PALLD: variants seen among roughly 807,000 people sequenced by gnomAD.
PALLD encodes the protein palladin, cytoskeletal associated protein.
Under a neutral mutation model 123.5 loss-of-function variants are expected in PALLD, and 61 were observed. The ratio of observed to expected loss-of-function variants is 0.49; its 90% CI spans 0.40 to 0.61. PALLD has a LOEUF of 0.61. PALLD is among the 20% of genes least tolerant of loss of function. PALLD has a pLI of 0.00. For synonymous variants in PALLD, 465 were observed against 496.4 expected, an observed-to-expected ratio of 0.94 and a Z score of 0.84; for missense variants, 1,273 against 1,377.0, an observed-to-expected ratio of 0.92 and a Z score of 1.20.
chr4:168,599,759 A>G (rs1002331839), intron 2 of PALLD, among the ~76,000 whole-genome samples: 3 of 152,198 alleles, frequency 2.0e-5, no homozygotes, highest in African/African-American at 7.2e-5. Context: ...TGGGCAACAT[A>G]GCCAGAACCT....
chr4:168,889,444 G>T (rs986958845), intron 10 of PALLD, among the ~76,000 whole-genome samples: 3 of 152,142 alleles, frequency 2.0e-5, no homozygotes, highest in Middle Eastern at 3.4e-3. Context: ...GAATACAGGC[G>T]TGAGCCACCA....
chr4:168,883,894 T>C (rs1448922380), intron 10 of PALLD, among the ~76,000 whole-genome samples: 1 of 152,034 alleles, frequency 6.6e-6, no homozygotes, highest in Non-Finnish European at 1.5e-5. Flanking sequence ...GTTCTGGTTT[T>C]GGTAACTACT....
At chr4:168,725,526 T>C (rs866694381) in intron 10 of PALLD, among the ~76,000 whole-genome samples, 25 of 134,912 alleles carry the variant, frequency 1.9e-4, no homozygotes, top group African/African-American at 5.0e-4. Flanking sequence ...TAATTTCTTT[T>C]TTTTTTTTTT....
intron 15 of PALLD, among the ~76,000 whole-genome samples, chr4:168,907,471 GTGCCACAAC>G (rs1337613598): frequency 6.6e-6 from 1 of 152,146 alleles, no homozygotes; most frequent in African/African-American, 2.4e-5. Context: ...AGATGTGGCT[GTGCCACAAC>G]TGCCACAGCT....
intron 14 of PALLD, 151 bp downstream of exon 14, chr4:168,898,865 C>G: frequency 2.9e-6 from 2 of 701,646 alleles, no homozygotes; most frequent in Non-Finnish European, 5.0e-6. Flanking sequence ...AGTTCTGGGC[C>G]ATCTTCAGGA....
Position 168,513,965 on chromosome 4 carries a change from G to A in PALLD, c.908+1553G>A, listed in dbSNP as rs555308894. ...ACTAAAAATACAAAAAATTAGCCAG[G>A]CATGGAGGCGAGTGCCTGTAATTCC... On this transcript the variant is annotated intron_variant, in intron 2 of 21. Coordinates refer to ENST00000505667, the MANE Select transcript of PALLD (RefSeq NM_001166108.2). Among the ~76,000 whole-genome samples, 22 of 152,134 alleles carry A rather than the reference G, an allele frequency of 1.4e-4. No individual in the cohort carries two copies. In the East Asian group the frequency reaches 4.1e-3, roughly 28 times the overall value.
At chr4:168,593,200 A>T (rs1416807026) in intron 2 of PALLD, among the ~76,000 whole-genome samples, 1 of 151,958 alleles carries the variant, frequency 6.6e-6, no homozygotes, top group Non-Finnish European at 1.5e-5. Context: ...CATCTCTTTC[A>T]TCAGATTTTC....
chr4:168,516,724 T>C (rs1380606194), intron 2 of PALLD, among the ~76,000 whole-genome samples: 2 of 152,170 alleles, frequency 1.3e-5, no homozygotes, highest in East Asian at 3.8e-4. Flanking sequence ...AAGTTATGCA[T>C]AGCTTACTGA....
At chr4:168,661,367 G>A (rs553106163) in intron 2 of PALLD, among the ~76,000 whole-genome samples, 31 of 152,286 alleles carry the variant, frequency 2.0e-4, no homozygotes, top group Admixed American at 1.3e-3. Context: ...GCTTCCAGTC[G>A]ATTCCTGCAT....
intron 2 of PALLD, among the ~76,000 whole-genome samples, chr4:168,517,030 C>A (rs906742254): frequency 1.3e-5 from 2 of 152,098 alleles, no homozygotes; most frequent in African/African-American, 4.8e-5. Flanking sequence ...AGGAGCTTGG[C>A]AATTGGCCAT....
At chr4:168,824,950 T>G (rs1300707751) in intron 10 of PALLD, among the ~76,000 whole-genome samples, 1 of 151,338 alleles carries the variant, frequency 6.6e-6, no homozygotes, top group Non-Finnish European at 1.5e-5. Flanking sequence ...GCCTCCCAAG[T>G]AGCTGGGACT....
At chr4:168,903,612 C>A (rs1757015044) in intron 14 of PALLD, 145 bp from the exon 15 acceptor site, 4 of 658,256 alleles carry the variant, frequency 6.1e-6, no homozygotes, top group South Asian at 1.8e-5. Context: ...AGTGAAAAAT[C>A]AATTCCTTAG....
At chr4:168,614,232 G>A (rs373945459) in intron 2 of PALLD, among the ~76,000 whole-genome samples, 1 of 152,102 alleles carries the variant, frequency 6.6e-6, no homozygotes, top group Admixed American at 6.5e-5. Flanking sequence ...GTCCTGGATT[G>A]TATTATTTTT....
At chr4:168,699,575 C>A (rs1298743177) in intron 8 of PALLD, among the ~76,000 whole-genome samples, 2 of 150,630 alleles carry the variant, frequency 1.3e-5, no homozygotes, top group African/African-American at 4.9e-5. Context: ...ATGAAAATGT[C>A]CCCTTATTAC....
At chr4:168,596,721 T>TAA (rs56390001) in intron 2 of PALLD, among the ~76,000 whole-genome samples, 4,160 of 132,818 alleles carry the variant, frequency 0.031, 207 homozygotes, top group African/African-American at 0.11. Flanking sequence ...TTGGCCTTGT[T>TAA]AAAAAAAAAA....
intron 2 of PALLD, among the ~76,000 whole-genome samples, chr4:168,616,924 G>C (rs1451285130): frequency 6.6e-6 from 1 of 152,122 alleles, no homozygotes; most frequent in Non-Finnish European, 1.5e-5. Flanking sequence ...TCTTGGCCAG[G>C]CACAACTCTC....
At chr4:168,742,610 G>A (rs1253348911) in intron 10 of PALLD, among the ~76,000 whole-genome samples, 1 of 152,150 alleles carries the variant, frequency 6.6e-6, no homozygotes, top group Non-Finnish European at 1.5e-5. Flanking sequence ...CAGATACTAA[G>A]TTATTAGAAC....
chr4:168,529,753 C>T (rs1764428439), intron 2 of PALLD, among the ~76,000 whole-genome samples: 2 of 152,172 alleles, frequency 1.3e-5, no homozygotes, highest in Middle Eastern at 3.4e-3. Flanking sequence ...CAAATAATTA[C>T]AGACAAAATG....
chr4:168,609,971 T>C (rs547676699), intron 2 of PALLD, among the ~76,000 whole-genome samples: 89 of 152,332 alleles, frequency 5.8e-4, no homozygotes, highest in African/African-American at 2.0e-3. Context: ...CATCCCAATC[T>C]TCCTACTTGC....
Sources: gnomAD v4.1 joint callset for allele counts (sites outside exome capture counted in the v4.1 genomes callset) on GRCh38, gnomAD v4.1.1 for gene constraint, MANE v1.5 for transcripts, NCBI Gene and HGNC (gene_info 2026-07-23, HGNC 2026-07-21) for gene names.